Variants in ETNPPL observed in about 807,000 individuals in gnomAD.
ETNPPL encodes alanine--glyoxylate aminotransferase 2-like 1.
Under a neutral mutation model 55.5 loss-of-function variants are expected in ETNPPL, and 30 were observed. The observed-to-expected ratio is 0.54, with a 90% CI of 0.40 to 0.73. The LOEUF (loss-of-function observed/expected upper bound fraction) is 0.73. ETNPPL is among the 30% of genes least tolerant of loss of function. The pLI is 0.00. For synonymous variants in ETNPPL, 202 were observed against 207.2 expected (o/e 0.98, Z 0.21); for missense variants, 528 against 607.9 (o/e 0.87, Z 1.38).
chr4:108,746,671 T>C, intron 10 of ETNPPL, 91 bp downstream of exon 10: 1 of 1,502,846 alleles, frequency 6.7e-7, no homozygotes, highest in East Asian at 2.3e-5. Flanking sequence ...CTTTCCTTTT[T>C]CAGAGGGATG....
In ETNPPL at chr4:108,749,276, C is replaced by T; in HGVS notation, c.889G>A (p.Glu297Lys). The change falls in exon 8 of 13, where the codon GAA becomes AAA. Residue 297 changes from glutamate (E) to lysine (K), a missense_variant. By Grantham distance (56) the Glu-to-Lys change is moderately conservative. Transcript: ENST00000296486. ...TCCATCCCAGAGCTGCTGAAGGCTT[C>T]TGCAATTTCTTTGGTTGTTACCACA... ...ACVVTTKEIAEAFSSSGMEYF... is the reference protein window; with the variant it reads ...ACVVTTKEIAKAFSSSGMEYF... The T allele has an allele frequency of 1.2e-6, 2 of 1,614,082 alleles. No homozygotes were observed. The highest frequency in any genetic ancestry group is 1.7e-6 in the Non-Finnish European group (2 of 1,179,972).
At chr4:108,757,505 G>T (rs553233178) in intron 3 of ETNPPL, among the ~76,000 whole-genome samples, 71 of 152,250 alleles carry the variant, frequency 4.7e-4, no homozygotes, top group African/African-American at 1.4e-3. Flanking sequence ...GGTGGCGGTG[G>T]CTCACGCCTG....
At chr4:108,756,348 A>T in intron 4 of ETNPPL, 70 bp downstream of exon 4, 1 of 1,039,926 alleles carries the variant, frequency 9.6e-7, no homozygotes, top group Non-Finnish European at 1.5e-6. Flanking sequence ...TGGTATTAGT[A>T]TGGATAGGAT....
intron 6 of ETNPPL, among the ~76,000 whole-genome samples, chr4:108,751,823 T>G (rs893555556): frequency 6.6e-6 from 1 of 152,264 alleles, no homozygotes; most frequent in Non-Finnish European, 1.5e-5. Flanking sequence ...GAAGCACTGA[T>G]CTTATATTTG....
At chr4:108,761,037 T>C (rs1031991605) in intron 1 of ETNPPL, among the ~76,000 whole-genome samples, 4 of 152,232 alleles carry the variant, frequency 2.6e-5, no homozygotes, top group Non-Finnish European at 4.4e-5. Context: ...GATTTTCCAT[T>C]ATTAAATAGT....
At chr4:108,749,566 C>A in intron 7 of ETNPPL, 103 bp from the exon 8 acceptor site, 1 of 808,922 alleles carries the variant, frequency 1.2e-6, no homozygotes, top group East Asian at 2.5e-5. Flanking sequence ...AGTTGTTAAC[C>A]TGAAGCCTTA....
chr4:108,756,698 C>T (rs186957208), intron 3 of ETNPPL, among the ~76,000 whole-genome samples: 2 of 149,066 alleles, frequency 1.3e-5, no homozygotes, highest in Admixed American at 6.6e-5. Context: ...CAGCAGCGTG[C>T]GCCTATAGTC....
At position 108,756,845 on chromosome 4, in the gene ETNPPL, A is replaced by G. The variant is rs78505925; in HGVS notation, c.336-353T>C. On this transcript the variant is annotated intron_variant, in intron 3 of 12. Transcript: ENST00000296486. ...CATCTCCAGAACAACAACAAAAAAA[A>G]ACATTTAGGATGTTAATTACAAAAG... Among the ~76,000 whole-genome samples the G allele has an allele frequency of 4.2e-3, 640 of 152,272 alleles. 6 individuals are homozygous for G. The highest frequency in any genetic ancestry group is 0.015 in the African/African-American group (607 of 41,558).
intron 9 of ETNPPL, among the ~76,000 whole-genome samples, chr4:108,747,289 A>G (rs946976597): frequency 1.5e-5 from 2 of 131,234 alleles, no homozygotes; most frequent in Non-Finnish European, 3.2e-5. Context: ...ATACATATAT[A>G]TGAAAAATAT....
intron 3 of ETNPPL, 136 bp from the exon 4 acceptor site, chr4:108,756,628 G>A (rs1729214917): frequency 3.1e-6 from 2 of 650,406 alleles, no homozygotes; most frequent in Non-Finnish European, 5.5e-6. Flanking sequence ...CCTGAGCTCA[G>A]AAGTTAGAGA....
intron 11 of ETNPPL, among the ~76,000 whole-genome samples, chr4:108,745,155 AAAT>A (rs1728410905): frequency 1.3e-5 from 2 of 152,242 alleles, no homozygotes; most frequent in African/African-American, 4.8e-5. Flanking sequence ...CATAACAAAA[AAAT>A]AAATTAACCT....
intron 6 of ETNPPL, among the ~76,000 whole-genome samples, chr4:108,752,113 A>G (rs1269743377): frequency 1.3e-5 from 2 of 152,096 alleles, no homozygotes; most frequent in South Asian, 2.1e-4. Context: ...TGGGTTGGGG[A>G]AAAAAAAGAA....
chr4:108,755,436 G>T (rs770373621), intron 4 of ETNPPL, among the ~76,000 whole-genome samples: 8 of 152,236 alleles, frequency 5.3e-5, no homozygotes, highest in Non-Finnish European at 7.4e-5. Flanking sequence ...AATTGGGAAG[G>T]GCATGAAATG....
intron 6 of ETNPPL, 64 bp downstream of exon 6, chr4:108,752,831 T>A: frequency 1.1e-6 from 1 of 917,538 alleles, no homozygotes; most frequent in Non-Finnish European, 1.7e-6. Context: ...CTTCAGTGAA[T>A]CCCAACAGTT....
At chr4:108,755,646 G>A (rs1729162118) in intron 4 of ETNPPL, among the ~76,000 whole-genome samples, 1 of 152,128 alleles carries the variant, frequency 6.6e-6, no homozygotes, top group Non-Finnish European at 1.5e-5. Context: ...GTGAAAACCT[G>A]TCTCTACTAA....
chr4:108,757,501 G>A (rs1434017675), intron 3 of ETNPPL, among the ~76,000 whole-genome samples: 10 of 152,266 alleles, frequency 6.6e-5, no homozygotes, highest in East Asian at 1.9e-4. Context: ...ACATGGTGGC[G>A]GTGGCTCACG....
intron 1 of ETNPPL, 55 bp downstream of exon 1, chr4:108,762,788 C>G: frequency 6.3e-7 from 1 of 1,588,370 alleles, no homozygotes; most frequent in Non-Finnish European, 8.6e-7. Flanking sequence ...TCTCCACCTT[C>G]TGCACTCGTT....
chr4:108,743,515 A>G (rs1298073209), intron 12 of ETNPPL, among the ~76,000 whole-genome samples: 1 of 152,104 alleles, frequency 6.6e-6, no homozygotes, highest in Non-Finnish European at 1.5e-5. Context: ...CTCTCTATAT[A>G]TATTTTATAG....
chr4:108,753,764 G>GAAAGAAAGAAAGA, intron 5 of ETNPPL, among the ~76,000 whole-genome samples: 1 of 116,426 alleles, frequency 8.6e-6, no homozygotes, highest in Non-Finnish European at 1.7e-5. Context: ...AAGAAAGAAA[G>GAAAGAAAGAAAGA]AAAGAAAGAA....
Sources: gnomAD v4.1 joint callset for allele counts (sites outside exome capture counted in the v4.1 genomes callset) on GRCh38, gnomAD v4.1.1 for gene constraint, MANE v1.5 for transcripts, NCBI Gene and HGNC (gene_info 2026-07-23, HGNC 2026-07-21) for gene names.